The following PKD1L3 variants were observed in gnomAD, a reference collection of about 807,000 sequenced individuals.
The protein encoded by PKD1L3 is polycystin-1-like protein 3.
PKD1L3 carries 239 observed loss-of-function variants against 184.1 expected under a neutral mutation model. The observed-to-expected ratio is 1.30, with a 90% CI of 1.17 to 1.45. The LOEUF (loss-of-function observed/expected upper bound fraction) is 1.45. PKD1L3 is among the 40% of genes most tolerant of loss of function. The pLI is 0.00. For synonymous variants in PKD1L3, 996 were observed against 778.8 expected, an observed-to-expected ratio of 1.28 and a Z score of -4.64; for missense variants, 2,660 against 2,067.2, an observed-to-expected ratio of 1.29 and a Z score of -5.56.
At chr16:71,943,907 C>A (rs1001558329) in intron 23 of PKD1L3, 123 bp downstream of exon 23, 2 of 1,180,978 alleles carry the variant, frequency 1.7e-6, no homozygotes, top group East Asian at 2.6e-5. Flanking sequence ...CCAAATCTCA[C>A]AGGGTGAAGA....
intron 12 of PKD1L3, among the ~76,000 whole-genome samples, chr16:71,972,484 G>C (rs1829261993): frequency 6.6e-6 from 1 of 152,098 alleles, no homozygotes; most frequent in South Asian, 2.1e-4. Context: ...AGAAGTTCAA[G>C]ACCAGCATAG....
chr16:71,998,181 G>A (rs1487618537), intron 2 of PKD1L3, 91 bp downstream of exon 2: 1 of 1,489,096 alleles, frequency 6.7e-7, no homozygotes, highest in African/African-American at 1.4e-5. Context: ...AACACTCACA[G>A]ACTATTTAAC....
intron 16 of PKD1L3, among the ~76,000 whole-genome samples, chr16:71,957,005 G>A (rs2143455756): frequency 6.6e-6 from 1 of 152,278 alleles, no homozygotes; most frequent in South Asian, 2.1e-4. Context: ...GAAAGGAACT[G>A]AGCTACAGGA....
chr16:71,996,321 G>A (rs931588185), intron 2 of PKD1L3, among the ~76,000 whole-genome samples: 1 of 136,592 alleles, frequency 7.3e-6, no homozygotes, highest in Admixed American at 7.8e-5. Context: ...GAGTGCAGTG[G>A]CGCAATCTTG....
Position 71,935,423 on chromosome 16 carries a change from C to G in PKD1L3, c.4548G>C (p.Gly1516=). The change falls in exon 26 of 30, where the codon GGG becomes GGC. Residue 1516 remains glycine (G), a synonymous_variant. Transcript: ENST00000620267. ...GTAGAGAAATACTCTTCATGTCAAG[C>G]CCCAGGAGGATGAAGCTAATGAGGA... ...SIILISFILL[G]LDMKSISLHK... 6.4e-7 allele frequency: 1 copy of G among 1,551,946 alleles called. No individual in the cohort carries two copies. The highest frequency in any genetic ancestry group is 8.7e-7 in the Non-Finnish European group (1 of 1,147,000).
At chr16:71,932,565 C>A (rs1202945403) in intron 28 of PKD1L3, among the ~76,000 whole-genome samples, 2 of 152,012 alleles carry the variant, frequency 1.3e-5, no homozygotes, top group Non-Finnish European at 2.9e-5. Context: ...CCTCCGCCTG[C>A]CAGGTTAAGG....
intron 29 of PKD1L3, 109 bp downstream of exon 29, chr16:71,929,943 A>G (rs1208236528): frequency 7.0e-6 from 9 of 1,293,748 alleles, no homozygotes; most frequent in East Asian, 5.1e-5. Flanking sequence ...AATAAAGGGA[A>G]TATGATACTG....
At chr16:71,981,957 C>A in intron 7 of PKD1L3, 102 bp downstream of exon 7, 1 of 1,256,638 alleles carries the variant, frequency 8.0e-7, no homozygotes, top group Non-Finnish European at 1.1e-6. Context: ...GAAACTTCAG[C>A]AAGATTATCT....
In PKD1L3 at chr16:71,942,719, C is replaced by T. The variant is rs994527928; in HGVS notation, c.4165G>A (p.Gly1389Ser). The T allele has an allele frequency of 1.5e-5, 24 of 1,551,540 alleles. No homozygotes were observed. In the Admixed American group the frequency reaches 2.4e-4, roughly 15 times the overall value. Residue 1389 changes from glycine to serine, a missense_variant, in exon 24 of 30, where the codon GGC becomes AGC. Coordinates refer to ENST00000620267, the MANE Select transcript of PKD1L3 (RefSeq NM_181536.2). ...CTCTTGGGACGCCCACAGGTATGGC[C>T]GTTATCACAAAACGCCAGCTGACCT... is the stretch of plus-strand genomic sequence containing the variant. The part of the protein sequence containing the change: ...DEGQLAFCDN[G>S]HTCGRPKSLF...
At chr16:71,978,469 G>T in intron 9 of PKD1L3, 86 bp from the exon 10 acceptor site, 39 of 492,294 alleles carry the variant, frequency 7.9e-5, no homozygotes, top group Middle Eastern at 4.6e-4. Context: ...ATATACATAT[G>T]TATATATGTG....
chr16:71,930,116 A>G lies in PKD1L3; in HGVS notation c.4994T>C (p.Val1665Ala), dbSNP rs1390456254. 1 of 1,551,558 alleles carries G rather than the reference A, an allele frequency of 6.4e-7. No individual in the cohort carries two copies. Among genetic ancestry groups the G allele is most frequent in the African/African-American group, 1.4e-5 (1 of 73,054 alleles). Reference sequence around the variant, plus strand: ...GGCCGAAACGAAAAGATTAATTACCACAAGTACCATCAAGATGACACTGGT... The same window carrying G: ...GGCCGAAACGAAAAGATTAATTACCGCAAGTACCATCAAGATGACACTGGT... ...ILTSVILMVL[V>A]VINLFVSAIL... Residue 1665 changes from valine (V) to alanine (A), a missense_variant, in exon 29 of 30, where the codon GTG becomes GCG. By Grantham distance (64) the Val-to-Ala change is moderately conservative. Transcript: ENST00000620267.
chr16:71,972,621 C>G (rs1221933516), intron 12 of PKD1L3, among the ~76,000 whole-genome samples: 3 of 148,462 alleles, frequency 2.0e-5, no homozygotes, highest in Non-Finnish European at 4.5e-5. Flanking sequence ...GAGGTTGAGG[C>G]TGCAGTAAGC....
intron 16 of PKD1L3, among the ~76,000 whole-genome samples, chr16:71,959,345 G>A (rs1049184249): frequency 6.6e-6 from 1 of 152,140 alleles, no homozygotes; most frequent in Non-Finnish European, 1.5e-5. Flanking sequence ...GGGAGGTGGA[G>A]GTTGTGGTGA....
intron 7 of PKD1L3, 56 bp downstream of exon 7, chr16:71,982,003 T>G: frequency 7.0e-7 from 1 of 1,425,660 alleles, no homozygotes; most frequent in Non-Finnish European, 9.3e-7. Flanking sequence ...TACCTGGACC[T>G]GTCAAGATTA....
At position 71,934,242 on chromosome 16, in the gene PKD1L3, T is replaced by A. The variant is rs750377809; in HGVS notation, c.4614-117A>T. The A allele has an allele frequency of 3.2e-6, 3 of 928,372 alleles. No homozygotes were observed. In the Admixed American group the frequency reaches 6.6e-5, roughly 20 times the overall value. 57.5% of individuals were successfully genotyped at this position (928,372 alleles called of 1,614,324 possible). On this transcript the variant is annotated intron_variant, in intron 26 of 29. Transcript: ENST00000620267. ...TGAGTCCTGTGAGGTCAAATGCTTG[T>A]TGATGTGAGAACTGCTTTCTATTGT...
At chr16:71,972,195 G>A (rs570210723) in intron 12 of PKD1L3, among the ~76,000 whole-genome samples, 1 of 151,474 alleles carries the variant, frequency 6.6e-6, no homozygotes, top group South Asian at 2.1e-4. Flanking sequence ...CAGCCTGGCC[G>A]ATAGAGCAAG....
intron 15 of PKD1L3, among the ~76,000 whole-genome samples, chr16:71,964,787 T>G (rs1318154542): frequency 6.6e-6 from 1 of 152,018 alleles, no homozygotes; most frequent in African/African-American, 2.4e-5. Flanking sequence ...CTTTATAGAA[T>G]AGTTAGCCTT....
At chr16:71,930,268 C>A in intron 28 of PKD1L3, 85 bp from the exon 29 acceptor site, 1 of 1,329,172 alleles carries the variant, frequency 7.5e-7, no homozygotes, top group Non-Finnish European at 9.9e-7. Context: ...TGTTTGGGAT[C>A]TTATCAGAAG....
intron 5 of PKD1L3, among the ~76,000 whole-genome samples, chr16:71,985,410 T>C (rs941061748): frequency 2.0e-5 from 3 of 152,166 alleles, no homozygotes; most frequent in African/African-American, 4.8e-5. Context: ...CAGTCAATAC[T>C]GTCAAAGGGA....
Sources: gnomAD v4.1 joint callset for allele counts (sites outside exome capture counted in the v4.1 genomes callset) on GRCh38, gnomAD v4.1.1 for gene constraint, MANE v1.5 for transcripts, NCBI Gene and HGNC (gene_info 2026-07-23, HGNC 2026-07-21) for gene names.